Variants in FSIP2 observed in about 807,000 individuals in gnomAD.
FSIP2 encodes the protein fibrous sheath-interacting protein 2.
A neutral mutation model predicts 510.5 loss-of-function variants in FSIP2; 367 were observed. The ratio of observed to expected loss-of-function variants is 0.72; its 90% CI spans 0.66 to 0.78. The LOEUF (loss-of-function observed/expected upper bound fraction) is 0.78, where lower values mean the gene tolerates loss of function less well. Among genes scored for constraint, FSIP2 ranks in the 30% least tolerant of loss-of-function variants. The pLI is 0.00. For missense variants in FSIP2, 7,594 were observed against 7,901.7 expected, an observed-to-expected ratio of 0.96 and a Z score of 1.48; for synonymous variants, 2,601 against 2,732.2, an observed-to-expected ratio of 0.95 and a Z score of 1.50.
chr2:185,795,468 G>A lies in FSIP2; in HGVS notation c.8332G>A (p.Val2778Ile). The A allele has an allele frequency of 6.5e-7, 1 of 1,534,834 alleles. No homozygotes were observed. Among genetic ancestry groups the A allele is most frequent in the South Asian group, 1.2e-5 (1 of 84,016 alleles). Reference protein sequence around the residue: ...IIAAGKIVNTVLQELYVTNNC... With the variant: ...IIAAGKIVNTILQELYVTNNC... ...AGCAGCAGGTAAAATAGTTAATACA[G>A]TTTTGCAAGAATTATATGTTACCAA... Residue 2778 changes from valine (V) to isoleucine (I), a missense_variant, in exon 16 of 23, where the codon GTT (valine) becomes ATT (isoleucine). Transcript: ENST00000424728.
Position 185,743,192 on chromosome 2 carries a change from C to T in FSIP2, c.285C>T (p.Asn95=). Residue 95 remains asparagine (N), a synonymous_variant, in exon 3 of 23, where the codon AAC becomes AAT. Transcript: ENST00000424728. ...ATCCCTATTGTCGACTTTTGGAAAA[C>T]CAATATAAAAGCCTCCATGATCCAC... The part of the protein sequence containing the change: ...LTDPYCRLLE[N]QYKSLHDPHL... The T allele has an allele frequency of 6.5e-7, 1 of 1,529,136 alleles. No homozygotes were observed. The highest frequency in any genetic ancestry group is 8.7e-7 in the Non-Finnish European group (1 of 1,144,024). 94.7% of individuals were successfully genotyped at this position (1,529,136 alleles called of 1,614,324 possible).
Position 185,805,338 on chromosome 2 carries a change from TAA to T in FSIP2, c.16034_16035del (p.Lys5345ArgfsTer4). ...AAATGTTTTCTTTTCCACCAATTGA[TAA>T]AGAGACAGTTGATAAAATATCCAAT... Reference protein sequence around the residue: ...EKMFSFPPIDKETVDKISNFV... With the variant: ...EKMFSFPPIDXETVDKISNFV... On this transcript the variant is annotated frameshift_variant, in exon 17 of 23. Transcript: ENST00000424728. LOFTEE classifies it high-confidence loss of function. The T allele has an allele frequency of 3.1e-6, 5 of 1,598,872 alleles. No individual in the cohort carries two copies. Among genetic ancestry groups the T allele is most frequent in the Non-Finnish European group, 3.4e-6 (4 of 1,174,308 alleles).
chr2:185,813,491 T>TA, intron 17 of FSIP2, 54 bp from the exon 18 acceptor site: 1 of 1,166,056 alleles, frequency 8.6e-7, no homozygotes, highest in Non-Finnish European at 1.2e-6. Flanking sequence ...AATTGAACTA[T>TA]AGGAAAGTGA....
Position 185,803,360 on chromosome 2 carries a change from G to A in FSIP2, c.14054G>A (p.Cys4685Tyr), listed in dbSNP as rs533002747. ...ATAGATAATACTGAGGAAAGACTGTGTTTACCTCCAGTGGAGAGGGATGTA... is the reference window on the plus strand; with the variant it reads ...ATAGATAATACTGAGGAAAGACTGTATTTACCTCCAGTGGAGAGGGATGTA... Reference protein sequence around the residue: ...SIIDNTEERLCLPPVERDVVK... With the variant: ...SIIDNTEERLYLPPVERDVVK... The change falls in exon 17 of 23, where the codon TGT becomes TAT. Residue 4685 changes from cysteine to tyrosine, a missense_variant. Physicochemically the swap from Cys to Tyr is radical, Grantham distance 194 (BLOSUM62 -2). Transcript: ENST00000424728. The A allele has an allele frequency of 9.2e-5, 141 of 1,533,184 alleles. No individual in the cohort carries two copies. In the African/African-American group the frequency reaches 1.6e-3, roughly 18 times the overall value. 95.0% of individuals were successfully genotyped at this position (1,533,184 alleles called of 1,614,324 possible). A position where few individuals can be genotyped will look rare whatever the true frequency, so the allele number is the denominator to read the frequency against.
chr2:185,778,437 TATA>T (rs1387900343), intron 13 of FSIP2, among the ~76,000 whole-genome samples: 29 of 152,130 alleles, frequency 1.9e-4, no homozygotes, highest in Admixed American at 9.2e-4. Context: ...AAACTTGCAA[TATA>T]ATATTTCATT....
chr2:185,828,614 G>A (rs989597427), intron 21 of FSIP2, among the ~76,000 whole-genome samples: 1 of 151,848 alleles, frequency 6.6e-6, no homozygotes, highest in Non-Finnish European at 1.5e-5. Flanking sequence ...CATGGGAGGT[G>A]CATGGCTTGC....
rs10931200 is a variant in FSIP2, at chr2:185,800,236, C to A, written c.10930C>A (p.Leu3644Ile). The change falls in exon 17 of 23, where the codon CTT (leucine) becomes ATT (isoleucine). Residue 3644 changes from leucine to isoleucine, a missense_variant. Coordinates refer to ENST00000424728, the MANE Select transcript of FSIP2 (RefSeq NM_173651.4). ...FSMHRNNSVP[L>I]CNKINRQASP... ...TATGCATAGAAATAATAGTGTACCC[C>A]TTTGCAACAAAATCAATAGACAGGC... 0.54 allele frequency: 830,354 copies of A among 1,531,182 alleles called. 226,732 individuals are homozygous for A. Among genetic ancestry groups the A allele is most frequent in the South Asian group, 0.64 (53,429 of 83,568 alleles). The allele number at this position is 1,531,182 out of a possible 1,614,324, so 94.8% of individuals were successfully genotyped here.
At chr2:185,813,504 T>C in intron 17 of FSIP2, 41 bp from the exon 18 acceptor site, 1 of 1,288,682 alleles carries the variant, frequency 7.8e-7, no homozygotes, top group Non-Finnish European at 1.0e-6. Context: ...GAAAGTGATT[T>C]AGGCATTTGA....
Position 185,790,232 on chromosome 2 carries a change from T to C in FSIP2, c.3096T>C (p.Pro1032=). 1 of 1,532,290 alleles carries C rather than the reference T, an allele frequency of 6.5e-7. No individual in the cohort carries two copies. The highest frequency in any genetic ancestry group is 8.7e-7 in the Non-Finnish European group (1 of 1,145,090). The allele number at this position is 1,532,290 out of a possible 1,614,324, so 94.9% of individuals were successfully genotyped here. Residue 1032 remains proline (P), a synonymous_variant, in exon 16 of 23, where the codon CCT becomes CCC. Transcript: ENST00000424728. The stretch of plus-strand genomic sequence containing the variant: ...AAGTAAAATCACAAGAACAGATTCC[T>C]AATCATTGGTTTACAAAGGGAAACA... ...DEKVKSQEQI[P]NHWFTKGNTC... is the part of the protein sequence containing the mutation.
At chr2:185,779,606 ATACT>A (rs1692799359) in intron 13 of FSIP2, among the ~76,000 whole-genome samples, 1 of 152,098 alleles carries the variant, frequency 6.6e-6, no homozygotes, top group African/African-American at 2.4e-5. Flanking sequence ...ACTTTATATC[ATACT>A]TATTATTGTC....
At chr2:185,831,764 G>A (rs1286772344) in intron 21 of FSIP2, 49 bp from the exon 22 acceptor site, 5 of 1,195,948 alleles carry the variant, frequency 4.2e-6, no homozygotes, top group East Asian at 2.3e-5. Context: ...TATATCTAGT[G>A]TTTGTGTCCA....
In FSIP2 at chr2:185,761,112, T is replaced by C; in HGVS notation, c.1194+9T>C. On this transcript the variant is annotated intron_variant, in intron 10 of 22. Transcript: ENST00000424728. The stretch of plus-strand genomic sequence containing the variant: ...ATGGTATAAATCAAAAGGTATACAA[T>C]TATGCTTTAAAGTTTTGTGTTGTAT... The C allele has an allele frequency of 2.7e-6, 3 of 1,111,364 alleles. No homozygotes were observed. The highest frequency in any genetic ancestry group is 3.8e-6 in the Non-Finnish European group (3 of 790,950). 68.8% of individuals were successfully genotyped at this position (1,111,364 alleles called of 1,614,324 possible).
intron 19 of FSIP2, among the ~76,000 whole-genome samples, chr2:185,820,093 C>T (rs1025375630): frequency 6.6e-6 from 1 of 151,922 alleles, no homozygotes; most frequent in Non-Finnish European, 1.5e-5. Flanking sequence ...CAAATCTCAT[C>T]TTCAATTGTT....
chr2:185,746,890 T>C (rs1692045794), intron 6 of FSIP2, 80 bp downstream of exon 6: 1 of 1,000,092 alleles, frequency 1.0e-6, no homozygotes, highest in Non-Finnish European at 1.4e-6. Context: ...AACTGTACAT[T>C]GTGCTGCTTG....
In FSIP2 at chr2:185,794,519, G is replaced by A. The variant is rs1218965307; in HGVS notation, c.7383G>A (p.Gln2461=). Residue 2461 remains glutamine (Q), a synonymous_variant, in exon 16 of 23, where the codon CAG becomes CAA. Transcript: ENST00000424728. ...AAATGATATTGGAAAACAAAAGGCA[G>A]ATAATTGTTTTGGAAGAAATATTTA... The part of the protein sequence containing the change: ...QNQMILENKR[Q]IIVLEEIFMR... The A allele has an allele frequency of 6.5e-7, 1 of 1,528,102 alleles. No individual in the cohort carries two copies. The highest frequency in any genetic ancestry group is 1.2e-5 in the South Asian group (1 of 82,096). 94.7% of individuals were successfully genotyped at this position (1,528,102 alleles called of 1,614,324 possible).
At position 185,795,017 on chromosome 2, in the gene FSIP2, A is replaced by T; in HGVS notation, c.7881A>T (p.Gln2627His). 1 of 1,533,884 alleles carries T rather than the reference A, an allele frequency of 6.5e-7. No individual in the cohort carries two copies. The highest frequency in any genetic ancestry group is 1.2e-5 in the South Asian group (1 of 83,738). Residue 2627 changes from glutamine (Q) to histidine (H), a missense_variant, in exon 16 of 23, where the codon CAA (glutamine) becomes CAT (histidine). Physicochemically the swap from Gln to His is conservative, Grantham distance 24. Transcript: ENST00000424728. ...CTCTTTTGCCATATTTACCATTGCA[A>T]GTGAAGAAAGACTTAATTCAAATGG... ...ENTLLPYLPLQVKKDLIQMVL... is the reference protein window; with the variant it reads ...ENTLLPYLPLHVKKDLIQMVL...
At position 185,802,426 on chromosome 2, in the gene FSIP2, G is replaced by A. The variant is rs1009174848; in HGVS notation, c.13120G>A (p.Ala4374Thr). The A allele has an allele frequency of 3.3e-6, 5 of 1,533,888 alleles. No individual in the cohort carries two copies. Among genetic ancestry groups the A allele is most frequent in the Middle Eastern group, 1.7e-4 (1 of 5,976 alleles). The change falls in exon 17 of 23, where the codon GCC becomes ACC. Residue 4374 changes from alanine (A) to threonine (T), a missense_variant. Physicochemically the swap from Ala to Thr is moderately conservative, Grantham distance 58. Transcript: ENST00000424728. ...SFNTDIVDEL[A>T]TSVYRNALKQ... ...CAATACAGATATTGTGGATGAACTTGCCACCTCAGTTTATAGAAATGCTTT... is the reference window on the plus strand; with the variant it reads ...CAATACAGATATTGTGGATGAACTTACCACCTCAGTTTATAGAAATGCTTT...
intron 5 of FSIP2, among the ~76,000 whole-genome samples, chr2:185,745,834 A>G (rs1030393476): frequency 1.6e-4 from 25 of 152,132 alleles, no homozygotes; most frequent in Non-Finnish European, 3.4e-4. Flanking sequence ...TAGAAACAAT[A>G]TATTCAAACA....
chr2:185,755,302 A>G (rs1692223733), intron 8 of FSIP2, among the ~76,000 whole-genome samples: 1 of 151,616 alleles, frequency 6.6e-6, no homozygotes, highest in Admixed American at 6.6e-5. Context: ...CACGTTTGCT[A>G]AATTGATTAA....
Sources: gnomAD v4.1 joint callset for allele counts (sites outside exome capture counted in the v4.1 genomes callset) on GRCh38, gnomAD v4.1.1 for gene constraint, MANE v1.5 for transcripts, NCBI Gene and HGNC (gene_info 2026-07-23, HGNC 2026-07-21) for gene names.